The following CLEC9A variants were observed in gnomAD, a reference collection of about 807,000 sequenced individuals.
CLEC9A encodes C-type lectin domain family 9 member A.
CLEC9A carries 24 observed loss-of-function variants against 30.0 expected under a neutral mutation model. The ratio of observed to expected loss-of-function variants is 0.80; its 90% confidence interval spans 0.58 to 1.13. The LOEUF (loss-of-function observed/expected upper bound fraction) is 1.13. Among genes scored for constraint, CLEC9A ranks in the 50% most tolerant of loss-of-function variants. The probability of loss-of-function intolerance (pLI) is 0.00; values close to 1 mark genes in which losing one functional copy is unlikely to be tolerated. For synonymous variants in CLEC9A, 111 were observed against 96.8 expected (o/e 1.15, Z -0.86); for missense variants, 251 against 280.9 (o/e 0.89, Z 0.76).
intron 1 of CLEC9A, chr12:10,040,877 G>C (rs1865789460): frequency 4.9e-6 from 1 of 203,580 alleles, no homozygotes; most frequent in African/African-American, 2.4e-5. Flanking sequence ...CCTACAAGTT[G>C]AGAATGAAAA....
chr12:10,045,431 G>A (rs2137302375), intron 2 of CLEC9A: 1 of 161,864 alleles, frequency 6.2e-6, no homozygotes, highest in South Asian at 1.7e-4. Context: ...GAGTTTGATT[G>A]TTGATTGTTT....
intron 5 of CLEC9A, among the ~76,000 whole-genome samples, chr12:10,059,030 A>G (rs1425446138): frequency 6.6e-6 from 1 of 152,088 alleles, no homozygotes; most frequent in East Asian, 1.9e-4. Context: ...TGTTTTTTTT[A>G]ATTCACTAAT....
chr12:10,032,469 C>A (rs966106116), intron 1 of CLEC9A, among the ~76,000 whole-genome samples: 2 of 145,850 alleles, frequency 1.4e-5, no homozygotes, highest in African/African-American at 5.1e-5. Flanking sequence ...CGGCTCACTG[C>A]AATCTCCGCC....
intron 1 of CLEC9A, among the ~76,000 whole-genome samples, chr12:10,035,833 G>A (rs1052655938): frequency 2.0e-5 from 3 of 152,124 alleles, no homozygotes; most frequent in African/African-American, 7.2e-5. Flanking sequence ...TCAAGCTCCC[G>A]GGCTCAAGCA....
At chr12:10,047,562 C>CT (rs1485827809) in intron 2 of CLEC9A, among the ~76,000 whole-genome samples, 1 of 152,156 alleles carries the variant, frequency 6.6e-6, no homozygotes, top group Non-Finnish European at 1.5e-5. Flanking sequence ...TTCGACTCCT[C>CT]TGTGTTTCAA....
chr12:10,040,195 C>A (rs17205644), intron 1 of CLEC9A, among the ~76,000 whole-genome samples: 25,361 of 152,164 alleles, frequency 0.17, 2,505 homozygotes, highest in South Asian at 0.39. Flanking sequence ...TGGCATCACA[C>A]AAGGAACAGA....
rs751184872 is a variant in CLEC9A at position 10,054,283 on chromosome 12, T to TAACCA, written c.104_105insAACCA (p.Val36ThrfsTer3). 8.7e-6 allele frequency: 14 copies of TAACCA among 1,612,960 alleles called. 1 individual carries two copies. The South Asian group carries it at 1.2e-4, about 14-fold the overall frequency. ...ATTCTGTGGTTAGGAGCATGCTGTC[T>TAACCA]TGTGATGGTGATTTCATGTGTTTTC... On this transcript the variant is annotated frameshift_variant, in exon 5 of 9. Coordinates refer to ENST00000355819, the MANE Select transcript of CLEC9A (RefSeq NM_207345.4). LOFTEE classifies it high-confidence loss of function.
intron 1 of CLEC9A, among the ~76,000 whole-genome samples, chr12:10,037,120 G>T (rs761143322): frequency 1.3e-5 from 2 of 151,984 alleles, no homozygotes; most frequent in Non-Finnish European, 2.9e-5. Context: ...CAGAAAAGAT[G>T]AATGAAAACA....
chr12:10,063,112 A>G lies in CLEC9A; in HGVS notation c.377A>G (p.Tyr126Cys). 2 of 1,612,524 alleles carry G rather than the reference A, an allele frequency of 1.2e-6. No individual in the cohort carries two copies. Among genetic ancestry groups the G allele is most frequent in the Non-Finnish European group, 8.5e-7 (1 of 1,179,340 alleles). Residue 126 changes from tyrosine to cysteine, a missense_variant, in exon 7 of 9, where the codon TAT becomes TGT. By Grantham distance (194) the Tyr-to-Cys change is radical. Coordinates refer to ENST00000355819, the MANE Select transcript of CLEC9A (RefSeq NM_207345.4). Reference protein sequence around the residue: ...NWIQNRESCYYVSEIWSIWHT... With the variant: ...NWIQNRESCYCVSEIWSIWHT... ...ATTCAGAACAGAGAAAGTTGTTACTATGTCTCTGAAATTTGGAGCATTTGG... is the reference window on the plus strand; with the variant it reads ...ATTCAGAACAGAGAAAGTTGTTACTGTGTCTCTGAAATTTGGAGCATTTGG...
At chr12:10,059,734 C>G (rs1410493961) in intron 5 of CLEC9A, among the ~76,000 whole-genome samples, 1 of 151,948 alleles carries the variant, frequency 6.6e-6, no homozygotes, top group Admixed American at 6.6e-5. Context: ...AGGTGAGACC[C>G]CATCTCTACA....
chr12:10,043,112 C>CTTTT, intron 2 of CLEC9A: 1 of 241,318 alleles, frequency 4.1e-6, no homozygotes, highest in Non-Finnish European at 8.3e-6. Context: ...TGTAATCCAA[C>CTTTT]TTTTTTTTTT....
At chr12:10,065,454 T>G (rs1866035307) in intron 8 of CLEC9A, 46 bp from the exon 9 acceptor site, 1 of 1,608,620 alleles carries the variant, frequency 6.2e-7, no homozygotes, top group Non-Finnish European at 8.5e-7. Context: ...GGAGCATTTC[T>G]GAAACTCCCA....
chr12:10,031,517 G>T (rs867452365), intron 1 of CLEC9A, among the ~76,000 whole-genome samples: 1 of 152,176 alleles, frequency 6.6e-6, no homozygotes, highest in African/African-American at 2.4e-5. Flanking sequence ...CTGACTCATT[G>T]TCTGGTGCTA....
chr12:10,031,911 A>G (rs1865700450), intron 1 of CLEC9A, among the ~76,000 whole-genome samples: 1 of 152,090 alleles, frequency 6.6e-6, no homozygotes. Flanking sequence ...AATGCTACAA[A>G]TAACATTCCA....
At chr12:10,031,191 G>A (rs1458802314) in intron 1 of CLEC9A, among the ~76,000 whole-genome samples, 4 of 152,202 alleles carry the variant, frequency 2.6e-5, no homozygotes, top group African/African-American at 9.6e-5. Flanking sequence ...TGTATCATCT[G>A]CAGAGATGGA....
intron 5 of CLEC9A, 150 bp from the exon 6 acceptor site, chr12:10,060,977 T>C: frequency 1.1e-6 from 1 of 915,358 alleles, no homozygotes; most frequent in Non-Finnish European, 1.6e-6. Context: ...TTGATTCTTG[T>C]ACAATGTAAA....
At chr12:10,061,402 T>C (rs980359450) in intron 6 of CLEC9A, 129 bp downstream of exon 6, 1 of 942,368 alleles carries the variant, frequency 1.1e-6, no homozygotes. Flanking sequence ...GACATAATTT[T>C]GGTCACTCTT....
intron 1 of CLEC9A, among the ~76,000 whole-genome samples, chr12:10,035,076 C>T (rs1231260953): frequency 6.6e-6 from 1 of 152,212 alleles, no homozygotes; most frequent in African/African-American, 2.4e-5. Context: ...GGCCCAGGCT[C>T]TCCTCTGATT....
intron 2 of CLEC9A, among the ~76,000 whole-genome samples, chr12:10,043,609 AGTGTGT>A (rs34659428): frequency 6.3e-5 from 9 of 143,952 alleles, no homozygotes; most frequent in African/African-American, 1.8e-4. Flanking sequence ...ACCATGGAAC[AGTGTGT>A]GTGTGTGTGT....
Sources: allele counts gnomAD v4.1 joint callset (sites outside exome capture counted in the v4.1 genomes callset), GRCh38; gene constraint gnomAD v4.1.1; transcripts MANE v1.5; gene names NCBI Gene and HGNC (gene_info 2026-07-23, HGNC 2026-07-21).